MAF: variants seen among roughly 807,000 people sequenced by gnomAD.
The protein encoded by MAF is MAF bZIP transcription factor, also known as transcription factor Maf.
Under a neutral mutation model 22.0 loss-of-function variants are expected in MAF, and 10 were observed. The ratio of observed to expected loss-of-function variants is 0.45; its 90% CI spans 0.28 to 0.77. The LOEUF is 0.77. Among genes scored for constraint, MAF ranks in the 30% least tolerant of loss-of-function variants. The probability of loss-of-function intolerance (pLI) is 0.12; values close to 1 mark genes in which losing one functional copy is unlikely to be tolerated. For synonymous variants in MAF, 337 were observed against 255.8 expected (o/e 1.32, Z -3.03); for missense variants, 544 against 548.4 (o/e 0.99, Z 0.08).
the MAF span, among the ~76,000 whole-genome samples, chr16:79,457,575 T>C: frequency 6.6e-6 from 1 of 152,242 alleles, no homozygotes; most frequent in Admixed American, 6.5e-5. Context: ...AAAACCAATA[T>C]ACTTGATGAG....
At chr16:79,383,352 C>G in the MAF span, among the ~76,000 whole-genome samples, 1 of 151,852 alleles carries the variant, frequency 6.6e-6, no homozygotes, top group Non-Finnish European at 1.5e-5. Context: ...CAGGGGAAAA[C>G]TCAAGAAATC....
chr16:79,550,069 T>G, the MAF span, among the ~76,000 whole-genome samples: 4 of 152,232 alleles, frequency 2.6e-5, no homozygotes, highest in Middle Eastern at 3.4e-3. Context: ...CCACTCTAGC[T>G]TTTCCTCAAG....
chr16:79,211,486 C>CAAGA, the MAF span: 4 of 1,293,870 alleles, frequency 3.1e-6, no homozygotes, highest in South Asian at 1.3e-5. Context: ...TTTGCTATGC[C>CAAGA]AAGATCCAGC....
Position 79,598,806 on chromosome 16 carries a change from G to C in MAF, c.1097C>G (p.Pro366Arg). ...TCACATGAAAAACTCGGGAGAGGAC[G>C]GGTTGTCGCTGCTCGAGCCGTTTTC... ...FRENGSSSDN[P>R]SSPEFFITEP... The change falls in exon 1 of 2, where the codon CCG (proline) becomes CGG (arginine). Residue 366 changes from proline to arginine, a missense_variant. Pro to Arg is a moderately radical substitution (Grantham distance 103, BLOSUM62 -2). Coordinates refer to ENST00000326043, the MANE Select transcript of MAF (RefSeq NM_005360.5). 1 of 1,613,834 alleles carries C rather than the reference G, an allele frequency of 6.2e-7. No homozygotes were observed. Among genetic ancestry groups the C allele is most frequent in the Non-Finnish European group, 8.5e-7 (1 of 1,179,984 alleles).
At chr16:79,388,892 T>A in the MAF span, among the ~76,000 whole-genome samples, 1 of 152,224 alleles carries the variant, frequency 6.6e-6, no homozygotes, top group African/African-American at 2.4e-5. Flanking sequence ...AAGCCAGAAC[T>A]CAGCTAGCTT....
the MAF span, among the ~76,000 whole-genome samples, chr16:79,394,748 CCTA>C: frequency 6.6e-6 from 1 of 152,200 alleles, no homozygotes; most frequent in Non-Finnish European, 1.5e-5. Context: ...CCCAGACACT[CCTA>C]CTCCAATTTT....
chr16:79,455,949 C>T, the MAF span, among the ~76,000 whole-genome samples: 1 of 151,994 alleles, frequency 6.6e-6, no homozygotes, highest in South Asian at 2.1e-4. Flanking sequence ...ACCCAGGAGA[C>T]GGAGGTTGCA....
the MAF span, among the ~76,000 whole-genome samples, chr16:79,580,411 T>G: frequency 3.7e-4 from 56 of 152,228 alleles, no homozygotes; most frequent in East Asian, 9.5e-3. Flanking sequence ...CTAGGACACA[T>G]CAATGAACAA....
the MAF span, among the ~76,000 whole-genome samples, chr16:79,265,771 C>T: frequency 9.2e-5 from 14 of 152,182 alleles, no homozygotes; most frequent in African/African-American, 3.1e-4. Flanking sequence ...AAAGGAAGCA[C>T]TTTACAGCTT....
the MAF span, among the ~76,000 whole-genome samples, chr16:79,320,467 G>C: frequency 6.6e-6 from 1 of 152,222 alleles, no homozygotes; most frequent in East Asian, 1.9e-4. Context: ...CAGTGGAAAT[G>C]TAGGCCCATC....
At chr16:79,454,661 C>G in the MAF span, among the ~76,000 whole-genome samples, 20 of 152,236 alleles carry the variant, frequency 1.3e-4, no homozygotes, top group African/African-American at 4.8e-4. Context: ...TGGCCAGATC[C>G]CTACACACCT....
At chr16:79,413,942 G>A in the MAF span, among the ~76,000 whole-genome samples, 1 of 152,180 alleles carries the variant, frequency 6.6e-6, no homozygotes, top group South Asian at 2.1e-4. Flanking sequence ...AAGAGGATGA[G>A]CTTTGGGGCC....
the MAF span, among the ~76,000 whole-genome samples, chr16:79,526,142 T>C: frequency 6.6e-6 from 1 of 152,300 alleles, no homozygotes; most frequent in Admixed American, 6.5e-5. Context: ...CAACTGTCGG[T>C]TCTGAGAAAT....
At chr16:79,288,419 TG>T in the MAF span, among the ~76,000 whole-genome samples, 2 of 152,118 alleles carry the variant, frequency 1.3e-5, no homozygotes, top group African/African-American at 4.8e-5. Flanking sequence ...AGCTGCTACG[TG>T]GGGAGGCCAT....
At chr16:79,240,563 A>G in the MAF span, among the ~76,000 whole-genome samples, 139 of 146,784 alleles carry the variant, frequency 9.5e-4, no homozygotes, top group African/African-American at 3.5e-3. Context: ...TTGATAAAAA[A>G]CCCCCATCTC....
the MAF span, among the ~76,000 whole-genome samples, chr16:79,493,331 G>A: frequency 6.6e-6 from 1 of 152,074 alleles, no homozygotes; most frequent in Non-Finnish European, 1.5e-5. Context: ...ACAGGTGCCT[G>A]CCACCACGCC....
the MAF span, among the ~76,000 whole-genome samples, chr16:79,383,703 C>G: frequency 6.6e-6 from 1 of 152,052 alleles, no homozygotes; most frequent in African/African-American, 2.4e-5. Context: ...TCACAGAACC[C>G]TGTGTTTACG....
At chr16:79,211,746 G>A in the MAF span, 35 of 1,614,086 alleles carry the variant, frequency 2.2e-5, no homozygotes, top group South Asian at 3.3e-5. Context: ...GACCCTGTGG[G>A]CGCTCAGCGA....
the MAF span, among the ~76,000 whole-genome samples, chr16:79,561,580 C>T: frequency 6.6e-6 from 1 of 150,836 alleles, no homozygotes; most frequent in Admixed American, 6.6e-5. Flanking sequence ...GGTTTTTTGT[C>T]CTTGCGATAG....
Sources: gnomAD v4.1 joint callset for allele counts (sites outside exome capture counted in the v4.1 genomes callset) on GRCh38, gnomAD v4.1.1 for gene constraint, MANE v1.5 for transcripts, NCBI Gene and HGNC (gene_info 2026-07-23, HGNC 2026-07-21) for gene names.